Variants in THSD4 observed in about 807,000 individuals in gnomAD.
THSD4 encodes the protein thrombospondin type-1 domain-containing protein 4.
In THSD4, 69 loss-of-function variants were observed where a neutral mutation model predicts 119.0. The ratio of observed to expected loss-of-function variants is 0.58; its 90% CI spans 0.48 to 0.71. The LOEUF is 0.71. THSD4 is among the 30% of genes least tolerant of loss of function. The pLI, the probability that THSD4 is intolerant of heterozygous loss-of-function variation, is 0.00. For synonymous variants in THSD4, 524 were observed against 540.4 expected (o/e 0.97, Z 0.42); for missense variants, 1,393 against 1,391.1 (o/e 1.00, Z -0.02).
At chr15:71,286,123 G>C (rs1045224161) in intron 6 of THSD4, among the ~76,000 whole-genome samples, 15 of 151,984 alleles carry the variant, frequency 9.9e-5, no homozygotes, top group African/African-American at 3.1e-4. Flanking sequence ...TACTGTTGTT[G>C]TTACTATTAC....
At chr15:71,739,677 A>G (rs1349963841) in intron 11 of THSD4, among the ~76,000 whole-genome samples, 1 of 152,006 alleles carries the variant, frequency 6.6e-6, no homozygotes, top group East Asian at 1.9e-4. Context: ...GTAAAGTCCT[A>G]TTTTATCCCC....
chr15:71,631,118 A>C (rs1196205982), intron 7 of THSD4, among the ~76,000 whole-genome samples: 1 of 152,166 alleles, frequency 6.6e-6, no homozygotes, highest in Non-Finnish European at 1.5e-5. Context: ...CCCCCTAGGT[A>C]AGAGGCACAG....
At chr15:71,466,635 C>T (rs1306284353) in intron 7 of THSD4, among the ~76,000 whole-genome samples, 1 of 152,222 alleles carries the variant, frequency 6.6e-6, no homozygotes, top group African/African-American at 2.4e-5. Flanking sequence ...TAGAAGCCTC[C>T]ATCACCTTTT....
intron 3 of THSD4, among the ~76,000 whole-genome samples, chr15:71,196,137 AG>A (rs2140232251): frequency 6.6e-6 from 1 of 152,328 alleles, no homozygotes; most frequent in East Asian, 1.9e-4. Context: ...ACAGGGCAGA[AG>A]AGCAAGCCAG....
At chr15:71,161,564 G>A (rs1014914770) in intron 3 of THSD4, among the ~76,000 whole-genome samples, 1 of 151,766 alleles carries the variant, frequency 6.6e-6, no homozygotes, top group African/African-American at 2.4e-5. Context: ...GGCTGCTCCT[G>A]CTTGCCTTTG....
intron 7 of THSD4, among the ~76,000 whole-genome samples, chr15:71,566,261 G>A (rs903870990): frequency 6.6e-6 from 1 of 150,692 alleles, no homozygotes; most frequent in African/African-American, 2.4e-5. Context: ...CTCTTTACAG[G>A]GATTTAATAA....
chr15:71,520,718 AC>A (rs1200994785), intron 7 of THSD4, among the ~76,000 whole-genome samples: 1 of 151,992 alleles, frequency 6.6e-6, no homozygotes, highest in Non-Finnish European at 1.5e-5. Flanking sequence ...TGACATGGCT[AC>A]TATTCTTGCT....
intron 6 of THSD4, among the ~76,000 whole-genome samples, chr15:71,409,048 G>A (rs1259922842): frequency 6.6e-6 from 1 of 152,096 alleles, no homozygotes; most frequent in Admixed American, 6.6e-5. Context: ...AGTGTCCCCA[G>A]TGTCTACTGG....
chr15:71,472,665 T>A (rs554158441), intron 7 of THSD4, among the ~76,000 whole-genome samples: 1 of 152,288 alleles, frequency 6.6e-6, no homozygotes, highest in South Asian at 2.1e-4. Context: ...TCCAGAAACA[T>A]CCCCTCTCCT....
chr15:71,440,480 A>G (rs1193421084), intron 7 of THSD4, among the ~76,000 whole-genome samples: 1 of 152,242 alleles, frequency 6.6e-6, no homozygotes. Context: ...TTAGGGAAAG[A>G]TAAACTCTTT....
At chr15:71,701,687 A>G (rs1193973783) in intron 8 of THSD4, among the ~76,000 whole-genome samples, 2 of 152,176 alleles carry the variant, frequency 1.3e-5, no homozygotes, top group Admixed American at 6.5e-5. Context: ...AAATTATAGT[A>G]GGGTCCCATT....
At chr15:71,243,150 G>A in intron 5 of THSD4, 54 bp downstream of exon 5, 1 of 1,544,696 alleles carries the variant, frequency 6.5e-7, no homozygotes, top group Non-Finnish European at 8.8e-7. Flanking sequence ...TCGTTTTTCT[G>A]TCATTTGGCA....
chr15:71,189,081 C>G (rs1384650739), intron 3 of THSD4: 1 of 152,288 alleles, frequency 6.6e-6, no homozygotes, highest in Non-Finnish European at 1.5e-5. Context: ...ACACCCTAAG[C>G]CAGCTGCTCT....
chr15:71,662,073 C>T (rs2051320240), intron 8 of THSD4, among the ~76,000 whole-genome samples: 1 of 152,206 alleles, frequency 6.6e-6, no homozygotes, highest in African/African-American at 2.4e-5. Flanking sequence ...TGGGCAGTCT[C>T]AGAACCTAAG....
At chr15:71,403,352 G>A (rs114100702) in intron 6 of THSD4, among the ~76,000 whole-genome samples, 1,992 of 152,162 alleles carry the variant, frequency 0.013, 46 homozygotes, top group African/African-American at 0.046. Context: ...TTTTGAAATG[G>A]CTATGCCTCA....
At chr15:71,763,798 C>T (rs1421215312) in intron 15 of THSD4, among the ~76,000 whole-genome samples, 9 of 152,092 alleles carry the variant, frequency 5.9e-5, no homozygotes, top group Non-Finnish European at 1.0e-4. Context: ...GGCATGGTGG[C>T]TCATGCCTGT....
rs58309087 is a variant in THSD4, at chr15:71,682,855, ACTTT to A, written c.1357+22173_1357+22176del. On this transcript the variant is annotated intron_variant, in intron 8 of 17. Transcript: ENST00000261862. ...CATGGCAATTCTTCCCTCTTTTGCTACTTTCTTTCTTTCTTTCTTTCTTTCTTTC... is the reference window on the plus strand; with the variant it reads ...CATGGCAATTCTTCCCTCTTTTGCTACTTTCTTTCTTTCTTTCTTTCTTTC... Among the ~76,000 whole-genome samples the A allele has an allele frequency of 2.0e-3, 215 of 108,918 alleles. 13 individuals carry two copies. Among genetic ancestry groups the A allele is most frequent in the African/African-American group, 7.8e-3 (210 of 27,070 alleles). 71.5% of individuals were successfully genotyped at this position (108,918 alleles called of 152,430 possible).
intron 7 of THSD4, among the ~76,000 whole-genome samples, chr15:71,652,251 G>A (rs1195190499): frequency 1.3e-5 from 2 of 152,056 alleles, no homozygotes; most frequent in African/African-American, 2.4e-5. Flanking sequence ...CCCATCCCAC[G>A]TGGTTTTTTC....
At chr15:71,369,355 G>C (rs971949410) in intron 6 of THSD4, among the ~76,000 whole-genome samples, 6 of 152,142 alleles carry the variant, frequency 3.9e-5, no homozygotes, top group Non-Finnish European at 8.8e-5. Context: ...TCCCTGTCTT[G>C]TGCCAGTTTT....
Sources: allele counts gnomAD v4.1 joint callset (sites outside exome capture counted in the v4.1 genomes callset), GRCh38; gene constraint gnomAD v4.1.1; transcripts MANE v1.5; gene names NCBI Gene and HGNC (gene_info 2026-07-23, HGNC 2026-07-21).